The following BICRAL variants were observed in gnomAD, a reference collection of about 807,000 sequenced individuals.
The protein encoded by BICRAL is BRD4-interacting chromatin-remodeling complex-associated protein-like.
BICRAL carries 8 observed loss-of-function variants against 91.8 expected under a neutral mutation model. The ratio of observed to expected loss-of-function variants is 0.09; its 90% CI spans 0.05 to 0.16. The LOEUF is 0.16. BICRAL is among the 10% of genes least tolerant of loss of function. The pLI is 1.00. For synonymous variants in BICRAL, 445 were observed against 491.1 expected (o/e 0.91, Z 1.24); for missense variants, 1,038 against 1,310.9 (o/e 0.79, Z 3.21).
chr6:42,782,351 G>A (rs1316055560), intron 1 of BICRAL, among the ~76,000 whole-genome samples: 1 of 143,340 alleles, frequency 7.0e-6, no homozygotes, highest in Non-Finnish European at 1.5e-5. Flanking sequence ...TTTGGGGGGG[G>A]GTGGGTTTGT....
intron 1 of BICRAL, among the ~76,000 whole-genome samples, chr6:42,752,332 T>C (rs575155506): frequency 3.6e-4 from 55 of 152,358 alleles, no homozygotes; most frequent in African/African-American, 1.3e-3. Context: ...AAGCACTAAC[T>C]GTGCCCAGCA....
At chr6:42,772,955 A>G (rs556835784) in intron 1 of BICRAL, among the ~76,000 whole-genome samples, 4 of 152,312 alleles carry the variant, frequency 2.6e-5, no homozygotes, top group African/African-American at 9.6e-5. Context: ...AGACATAACA[A>G]TTTATTTAAT....
chr6:42,859,718 T>G (rs1031224094), intron 10 of BICRAL, among the ~76,000 whole-genome samples: 1 of 152,252 alleles, frequency 6.6e-6, no homozygotes, highest in Non-Finnish European at 1.5e-5. Context: ...CTTGGCTCAC[T>G]GCAAGCTCCG....
At chr6:42,797,267 A>G (rs1763442434) in intron 1 of BICRAL, among the ~76,000 whole-genome samples, 1 of 152,132 alleles carries the variant, frequency 6.6e-6, no homozygotes, top group Non-Finnish European at 1.5e-5. Context: ...TTTATAAGAG[A>G]GGCGGACAGT....
At chr6:42,788,714 A>G (rs1433396537) in intron 1 of BICRAL, among the ~76,000 whole-genome samples, 1 of 152,214 alleles carries the variant, frequency 6.6e-6, no homozygotes, top group Non-Finnish European at 1.5e-5. Context: ...GGTGACTTAA[A>G]CAAAGAAGGG....
At chr6:42,762,859 C>T (rs946536189) in intron 1 of BICRAL, among the ~76,000 whole-genome samples, 1 of 150,814 alleles carries the variant, frequency 6.6e-6, no homozygotes, top group Non-Finnish European at 1.5e-5. Context: ...CCTGGGAGGT[C>T]GAGGCTGCTG....
chr6:42,842,602 A>AT (rs1358789027), intron 6 of BICRAL, among the ~76,000 whole-genome samples: 1 of 151,974 alleles, frequency 6.6e-6, no homozygotes, highest in Non-Finnish European at 1.5e-5. Flanking sequence ...CCCTGTTTAA[A>AT]TTCTTCCCCT....
intron 1 of BICRAL, among the ~76,000 whole-genome samples, chr6:42,804,594 C>T (rs539041032): frequency 3.9e-5 from 6 of 152,254 alleles, no homozygotes; most frequent in African/African-American, 1.4e-4. Flanking sequence ...GTAAAAGGAA[C>T]ATGCAAAGTC....
At chr6:42,831,721 A>G (rs1397889228) in intron 6 of BICRAL, among the ~76,000 whole-genome samples, 1 of 150,632 alleles carries the variant, frequency 6.6e-6, no homozygotes, top group East Asian at 2.0e-4. Flanking sequence ...ACTTCTGTTT[A>G]TATACGTCAA....
At chr6:42,778,159 C>G (rs892405618), upstream of BICRAL, among the ~76,000 whole-genome samples, 4 of 152,176 alleles carry the variant, frequency 2.6e-5, no homozygotes, top group Admixed American at 2.0e-4. Flanking sequence ...CTCCTCCAGA[C>G]TTAAAATTAG....
chr6:42,771,566 A>G (rs1762735994), intron 1 of BICRAL, among the ~76,000 whole-genome samples: 1 of 152,088 alleles, frequency 6.6e-6, no homozygotes, highest in Admixed American at 6.5e-5. Context: ...TTTGCTTGCA[A>G]GTATCTAAGT....
At chr6:42,832,565 G>T (rs893257832) in intron 6 of BICRAL, among the ~76,000 whole-genome samples, 4 of 145,542 alleles carry the variant, frequency 2.7e-5, no homozygotes, top group African/African-American at 1.1e-4. Context: ...TGGTTTCAAA[G>T]ATATCAAAGG....
At chr6:42,767,004 T>C (rs548462378) in intron 1 of BICRAL, among the ~76,000 whole-genome samples, 150 of 149,228 alleles carry the variant, frequency 1.0e-3, no homozygotes, top group African/African-American at 2.6e-3. Context: ...GGCGCCACTG[T>C]ACTCCAGCCT....
chr6:42,785,821 C>T lies in BICRAL; in HGVS notation c.-102+3720C>T, dbSNP rs531358991. Among the ~76,000 whole-genome samples, 3 of 151,902 alleles carry T rather than the reference C, an allele frequency of 2.0e-5. No individual in the cohort carries two copies. The East Asian group carries it at 5.9e-4, about 30-fold the overall frequency. On this transcript the variant is annotated intron_variant, in intron 1 of 12. Coordinates refer to ENST00000314073, the MANE Select transcript of BICRAL (RefSeq NM_001393499.1). ...CTGTAATCCCAGCACTTCGGGAGGC[C>T]GAGGTGGGCGGATCACGAGGTCAGG...
intron 6 of BICRAL, among the ~76,000 whole-genome samples, chr6:42,846,124 C>T (rs1562491563): frequency 6.6e-6 from 1 of 150,682 alleles, no homozygotes; most frequent in African/African-American, 2.4e-5. Flanking sequence ...CACCTGTAAT[C>T]CCAGCACTTT....
In BICRAL at chr6:42,844,554, T is replaced by TACAG. The variant is rs1764932835; in HGVS notation, c.1840-7538_1840-7537insACAG. On this transcript the variant is annotated intron_variant, in intron 6 of 12. Transcript: ENST00000314073. ...AAAAAAAAAAAAAAAAAGAGGGTGT[T>TACAG]GCAGAAAGAAGATCCACAGAGTGAT... Among the ~76,000 whole-genome samples, 2 of 70,222 alleles carry TACAG rather than the reference T, an allele frequency of 2.8e-5. 1 individual carries two copies. The highest frequency in any genetic ancestry group is 1.2e-4 in the African/African-American group (2 of 16,440). 46.1% of individuals were successfully genotyped at this position (70,222 alleles called of 152,430 possible).
intron 1 of BICRAL, among the ~76,000 whole-genome samples, chr6:42,764,404 T>G (rs980638090): frequency 3.0e-4 from 46 of 151,254 alleles, no homozygotes; most frequent in African/African-American, 1.1e-3. Flanking sequence ...TAAAAAAAAT[T>G]AGCCAGGTGT....
At chr6:42,845,446 A>G (rs186152884) in intron 6 of BICRAL, among the ~76,000 whole-genome samples, 1 of 151,166 alleles carries the variant, frequency 6.6e-6, no homozygotes, top group African/African-American at 2.4e-5. Context: ...ATGGCTCATC[A>G]AGGGACTTTG....
intron 6 of BICRAL, among the ~76,000 whole-genome samples, chr6:42,831,297 T>C (rs1169836351): frequency 1.3e-5 from 2 of 152,226 alleles, no homozygotes; most frequent in African/African-American, 4.8e-5. Flanking sequence ...TGCTTCTTGG[T>C]TGCCAACAGG....
Sources: allele counts gnomAD v4.1 joint callset (sites outside exome capture counted in the v4.1 genomes callset), GRCh38; gene constraint gnomAD v4.1.1; transcripts MANE v1.5; gene names NCBI Gene and HGNC (gene_info 2026-07-23, HGNC 2026-07-21).